Variants in WDR70 observed in about 807,000 individuals in gnomAD.
WDR70 encodes the protein WD repeat domain 70, also known as WD repeat-containing protein 70.
Under a neutral mutation model 88.6 loss-of-function variants are expected in WDR70, and 53 were observed. The ratio of observed to expected loss-of-function variants is 0.60; its 90% CI spans 0.48 to 0.75. The LOEUF is 0.75. Ranked by LOEUF, WDR70 falls within the 30% of genes least tolerant of loss-of-function variation. WDR70 has a pLI of 0.00. For missense variants in WDR70, 610 were observed against 823.2 expected, an observed-to-expected ratio of 0.74 and a Z score of 3.17; for synonymous variants, 280 against 270.0, an observed-to-expected ratio of 1.04 and a Z score of -0.36.
intron 9 of WDR70, among the ~76,000 whole-genome samples, chr5:37,602,462 CCAGG>C (rs112419814): frequency 1.4e-4 from 21 of 151,534 alleles, no homozygotes; most frequent in African/African-American, 5.1e-4. Flanking sequence ...TAAAAATTAG[CCAGG>C]CAAGGTGGCG....
chr5:37,406,185 A>G (rs1170964277), intron 5 of WDR70, among the ~76,000 whole-genome samples: 1 of 152,192 alleles, frequency 6.6e-6, no homozygotes, highest in Non-Finnish European at 1.5e-5. Context: ...GGGTAGGCCA[A>G]AAAACCTGGT....
At chr5:37,702,200 T>A (rs1475999286) in intron 12 of WDR70, among the ~76,000 whole-genome samples, 2 of 152,242 alleles carry the variant, frequency 1.3e-5, no homozygotes, top group African/African-American at 4.8e-5. Context: ...GCATTTTATG[T>A]TAAAACGAAC....
At chr5:37,460,722 A>AT (rs1738969768) in intron 7 of WDR70, among the ~76,000 whole-genome samples, 1 of 150,434 alleles carries the variant, frequency 6.6e-6, no homozygotes, top group African/African-American at 2.4e-5. Context: ...AAAATAAAAA[A>AT]TAAAAACAAA....
chr5:37,618,201 T>C lies in WDR70; in HGVS notation c.1092+12963T>C, dbSNP rs189954228. Among the ~76,000 whole-genome samples, 1,506 of 152,188 alleles carry C rather than the reference T, an allele frequency of 9.9e-3. 11 individuals carry two copies. Among genetic ancestry groups the C allele is most frequent in the Non-Finnish European group, 0.016 (1,055 of 67,998 alleles). ...ATCCATAAGAGTTGCTGTTACAGAG[T>C]CAAATGTATAAATATAAGCAAGCAG... On this transcript the variant is annotated intron_variant, in intron 10 of 17. Coordinates refer to ENST00000265107, the MANE Select transcript of WDR70 (RefSeq NM_018034.4).
chr5:37,630,289 T>C (rs1744775642), intron 10 of WDR70, among the ~76,000 whole-genome samples: 1 of 152,176 alleles, frequency 6.6e-6, no homozygotes, highest in Non-Finnish European at 1.5e-5. Context: ...TGGGGATGGC[T>C]CATAGGGCTG....
chr5:37,615,815 C>G (rs2112495036), intron 10 of WDR70, among the ~76,000 whole-genome samples: 1 of 152,238 alleles, frequency 6.6e-6, no homozygotes, highest in Admixed American at 6.5e-5. Context: ...CTCCTATAAC[C>G]AGTGTCAGTC....
chr5:37,590,019 G>T (rs1743485291), intron 9 of WDR70, among the ~76,000 whole-genome samples: 1 of 152,162 alleles, frequency 6.6e-6, no homozygotes, highest in Non-Finnish European at 1.5e-5. Context: ...ATTGGCATAT[G>T]TTTTAAATTA....
rs897599164 is a variant in WDR70, at chr5:37,622,172, C to T, written c.1092+16934C>T. Reference sequence around the variant, plus strand: ...ATCATCACTGGCCATCAGAGAAATGCAAATCGAAACCACAATGAGATACCA... The same window carrying T: ...ATCATCACTGGCCATCAGAGAAATGTAAATCGAAACCACAATGAGATACCA... On this transcript the variant is annotated intron_variant, in intron 10 of 17. Coordinates refer to ENST00000265107, the MANE Select transcript of WDR70 (RefSeq NM_018034.4). Among the ~76,000 whole-genome samples, 5 of 152,180 alleles carry T rather than the reference C, an allele frequency of 3.3e-5. No individual in the cohort carries two copies. The South Asian group carries it at 1.0e-3, about 32-fold the overall frequency.
chr5:37,483,026 A>T (rs1018675185), intron 8 of WDR70, among the ~76,000 whole-genome samples: 11 of 151,428 alleles, frequency 7.3e-5, no homozygotes, highest in African/African-American at 2.7e-4. Context: ...CTAGCCACTG[A>T]ACTCCAGCTT....
rs1561836434 is a variant in WDR70, at chr5:37,396,416, C to A, written c.338C>A (p.Ser113Tyr). 1.2e-6 allele frequency: 2 copies of A among 1,613,742 alleles called. No individual in the cohort carries two copies. The highest frequency in any genetic ancestry group is 3.3e-4 in the Middle Eastern group (2 of 6,060). Residue 113 changes from serine to tyrosine, a missense_variant, in exon 5 of 18, where the codon TCT becomes TAT. Around this residue, in one of 4 missense-constraint regions of WDR70, gnomAD observed 203 missense variants for 228.1 expected, o/e 0.89. Coordinates refer to ENST00000265107, the MANE Select transcript of WDR70 (RefSeq NM_018034.4). ...SSESEQSSDS[S>Y]DDELIGPPLP... is the part of the protein sequence containing the mutation. ...GAAAGTGAACAGAGTTCTGACTCTT[C>A]TGATGATGAGTTAATTGGCCCTCCT... is the stretch of plus-strand genomic sequence containing the variant.
chr5:37,657,286 A>T (rs182315357), intron 10 of WDR70, among the ~76,000 whole-genome samples: 10 of 152,074 alleles, frequency 6.6e-5, no homozygotes, highest in African/African-American at 2.4e-4. Flanking sequence ...GGGTGAGATG[A>T]CACCCTGCTC....
At chr5:37,622,250 T>C (rs994379740) in intron 10 of WDR70, among the ~76,000 whole-genome samples, 3 of 152,038 alleles carry the variant, frequency 2.0e-5, no homozygotes, top group African/African-American at 7.2e-5. Context: ...CAACAGGTGC[T>C]GGAGAGGATG....
intron 5 of WDR70, among the ~76,000 whole-genome samples, chr5:37,404,845 A>G (rs1402296045): frequency 6.6e-6 from 1 of 152,188 alleles, no homozygotes; most frequent in Non-Finnish European, 1.5e-5. Context: ...TAAGGATTCT[A>G]TCCAGAGGAA....
intron 9 of WDR70, among the ~76,000 whole-genome samples, chr5:37,596,636 C>T (rs1034868578): frequency 5.9e-5 from 9 of 152,144 alleles, no homozygotes; most frequent in African/African-American, 2.2e-4. Context: ...TCTGGAACCA[C>T]CAAACCAGCT....
chr5:37,614,373 C>T (rs1326548458), intron 10 of WDR70, among the ~76,000 whole-genome samples: 1 of 152,124 alleles, frequency 6.6e-6, no homozygotes, highest in East Asian at 1.9e-4. Context: ...GATAATCTCC[C>T]TATTTTAAGG....
chr5:37,750,582 T>G (rs1187306356), intron 17 of WDR70, among the ~76,000 whole-genome samples: 3 of 152,166 alleles, frequency 2.0e-5, no homozygotes, highest in Non-Finnish European at 2.9e-5. Flanking sequence ...AAATCTCATC[T>G]TGAATTGTAG....
chr5:37,469,369 A>G (rs1248280870), intron 7 of WDR70, among the ~76,000 whole-genome samples: 2 of 152,164 alleles, frequency 1.3e-5, no homozygotes. Flanking sequence ...GGCCTCCTAC[A>G]CTGTGTTTTG....
intron 9 of WDR70, among the ~76,000 whole-genome samples, chr5:37,520,645 G>A (rs368947286): frequency 1.3e-5 from 2 of 152,112 alleles, no homozygotes; most frequent in Non-Finnish European, 2.9e-5. Flanking sequence ...GGATATTTCA[G>A]TATACTTCAT....
chr5:37,682,517 GGTT>G (rs34767080), intron 10 of WDR70, among the ~76,000 whole-genome samples: 53,982 of 149,528 alleles, frequency 0.36, 10,954 homozygotes, highest in Admixed American at 0.49. Context: ...TGTAATGTTA[GGTT>G]GTTAAGTTGA....
Sources: gnomAD v4.1 joint callset for allele counts (sites outside exome capture counted in the v4.1 genomes callset) on GRCh38, gnomAD v4.1.1 for gene constraint, gnomAD v4.1.1 regional missense constraint, MANE v1.5 for transcripts, NCBI Gene and HGNC (gene_info 2026-07-23, HGNC 2026-07-21) for gene names.